Variants in ARHGAP15 observed in about 807,000 individuals in gnomAD.
ARHGAP15 encodes rho GTPase-activating protein 15.
Under a neutral mutation model 63.7 loss-of-function variants are expected in ARHGAP15, and 51 were observed. The observed-to-expected ratio is 0.80, with a 90% CI of 0.64 to 1.01. The LOEUF (loss-of-function observed/expected upper bound fraction) is 1.01. ARHGAP15 is among the 50% of genes least tolerant of loss of function. ARHGAP15 has a pLI of 0.00. For missense variants in ARHGAP15, 560 were observed against 564.6 expected, an observed-to-expected ratio of 0.99 and a Z score of 0.08; for synonymous variants, 191 against 193.8, an observed-to-expected ratio of 0.99 and a Z score of 0.12.
At chr2:143,408,042 TCTCA>T (rs1311336539) in intron 6 of ARHGAP15, among the ~76,000 whole-genome samples, 1 of 140,026 alleles carries the variant, frequency 7.1e-6, no homozygotes, top group Non-Finnish European at 1.6e-5. Flanking sequence ...TCCTTTTTCC[TCTCA>T]CTCTTTTCTG....
At chr2:143,754,892 C>A (rs1686514998) in intron 13 of ARHGAP15, among the ~76,000 whole-genome samples, 2 of 152,190 alleles carry the variant, frequency 1.3e-5, no homozygotes, top group South Asian at 4.1e-4. Flanking sequence ...AAACACAGTC[C>A]TTTGCAACTC....
intron 12 of ARHGAP15, among the ~76,000 whole-genome samples, chr2:143,639,920 C>T (rs372971399): frequency 2.0e-5 from 3 of 152,024 alleles, no homozygotes; most frequent in Non-Finnish European, 2.9e-5. Context: ...CAGAATAAGA[C>T]CACAGATCTT....
chr2:143,394,971 G>A (rs752324227), intron 6 of ARHGAP15, among the ~76,000 whole-genome samples: 1 of 152,110 alleles, frequency 6.6e-6, no homozygotes, highest in Non-Finnish European at 1.5e-5. Context: ...AGGATACAGT[G>A]AAGAAGGCAA....
intron 11 of ARHGAP15, among the ~76,000 whole-genome samples, chr2:143,583,235 T>C (rs1267992278): frequency 1.3e-5 from 2 of 152,220 alleles, no homozygotes; most frequent in Non-Finnish European, 2.9e-5. Context: ...ATGAGTATCA[T>C]GCTACCAACA....
At chr2:143,275,132 C>T (rs951745288) in intron 6 of ARHGAP15, among the ~76,000 whole-genome samples, 7 of 151,972 alleles carry the variant, frequency 4.6e-5, no homozygotes, top group Admixed American at 6.6e-5. Context: ...CACTCCAGCC[C>T]GGACAACAGA....
chr2:143,344,896 G>A (rs1048325618), intron 6 of ARHGAP15, among the ~76,000 whole-genome samples: 6 of 152,082 alleles, frequency 3.9e-5, no homozygotes, highest in Admixed American at 2.0e-4. Context: ...TATAACTAAT[G>A]AGGAAGGCTG....
intron 12 of ARHGAP15, among the ~76,000 whole-genome samples, chr2:143,660,967 G>A (rs72859635): frequency 6.6e-6 from 1 of 152,192 alleles, no homozygotes; most frequent in Non-Finnish European, 1.5e-5. Context: ...AGTGTTCTTA[G>A]AACTGTGTTT....
chr2:143,149,459 C>T (rs758562423), intron 1 of ARHGAP15, among the ~76,000 whole-genome samples: 2 of 151,930 alleles, frequency 1.3e-5, no homozygotes, highest in South Asian at 2.1e-4. Flanking sequence ...AAGTACCTAT[C>T]CAAATCTGAA....
intron 13 of ARHGAP15, among the ~76,000 whole-genome samples, chr2:143,761,827 C>G (rs915019060): frequency 4.6e-5 from 7 of 152,082 alleles, no homozygotes; most frequent in African/African-American, 1.7e-4. Context: ...TTGGGCCTGA[C>G]AAAAGGTAGC....
intron 6 of ARHGAP15, among the ~76,000 whole-genome samples, chr2:143,301,701 T>C (rs1315254967): frequency 1.3e-5 from 2 of 151,950 alleles, no homozygotes; most frequent in Non-Finnish European, 2.9e-5. Flanking sequence ...ACAAAATTTG[T>C]ATATAACACA....
intron 13 of ARHGAP15, among the ~76,000 whole-genome samples, chr2:143,760,129 A>C (rs1259636773): frequency 6.6e-6 from 1 of 152,194 alleles, no homozygotes; most frequent in Admixed American, 6.5e-5. Flanking sequence ...AGTGTCAAAC[A>C]CATAGTAAGT....
chr2:143,394,740 T>C (rs1687685863), intron 6 of ARHGAP15, among the ~76,000 whole-genome samples: 1 of 152,192 alleles, frequency 6.6e-6, no homozygotes, highest in Non-Finnish European at 1.5e-5. Context: ...CACTTCAATG[T>C]CAGTTGTATT....
rs796712788 is a variant in ARHGAP15, at chr2:143,318,175, AT to A, written c.474+67587del. Among the ~76,000 whole-genome samples the A allele has an allele frequency of 2.6e-3, 363 of 142,338 alleles. 3 individuals are homozygous for A. The highest frequency in any genetic ancestry group is 2.9e-3 in the Non-Finnish European group (185 of 64,350). The allele number at this position is 142,338 out of a possible 152,430, so 93.4% of individuals were successfully genotyped here. ...CACCACACCTGGCTAATATTTTTGT[AT>A]TTTTTTTTTTTAGTAGAGACAGGGT... On this transcript the variant is annotated intron_variant, in intron 6 of 13. Transcript: ENST00000295095.
intron 11 of ARHGAP15, among the ~76,000 whole-genome samples, chr2:143,576,017 A>T: frequency 6.6e-6 from 1 of 152,274 alleles, no homozygotes; most frequent in Admixed American, 6.6e-5. Flanking sequence ...TTTATAAATA[A>T]TCTAAACCGG....
intron 6 of ARHGAP15, among the ~76,000 whole-genome samples, chr2:143,323,916 A>C (rs1445096252): frequency 2.7e-5 from 4 of 148,120 alleles, no homozygotes; most frequent in Admixed American, 7.0e-5. Flanking sequence ...AAAAAAAAAA[A>C]AAAAAAACAC....
chr2:143,393,294 A>G (rs1456692845), intron 6 of ARHGAP15, among the ~76,000 whole-genome samples: 9 of 152,198 alleles, frequency 5.9e-5, no homozygotes, highest in Non-Finnish European at 8.8e-5. Context: ...GCTAGGTCTT[A>G]TATCACCAAT....
At chr2:143,400,344 A>G (rs1480982783) in intron 6 of ARHGAP15, among the ~76,000 whole-genome samples, 1 of 152,026 alleles carries the variant, frequency 6.6e-6, no homozygotes, top group Non-Finnish European at 1.5e-5. Context: ...TTGCACTTCA[A>G]ACTACTTTAT....
At chr2:143,475,111 T>A (rs1179003252) in intron 8 of ARHGAP15, among the ~76,000 whole-genome samples, 1 of 152,168 alleles carries the variant, frequency 6.6e-6, no homozygotes, top group Non-Finnish European at 1.5e-5. Flanking sequence ...ATGATGTGGA[T>A]CTTTGTGGGG....
intron 12 of ARHGAP15, among the ~76,000 whole-genome samples, chr2:143,685,321 A>T (rs1193231418): frequency 6.6e-6 from 1 of 152,224 alleles, no homozygotes; most frequent in East Asian, 1.9e-4. Flanking sequence ...GTCCAAGTTC[A>T]AAACACAGTC....
Sources: allele counts gnomAD v4.1 joint callset (sites outside exome capture counted in the v4.1 genomes callset), GRCh38; gene constraint gnomAD v4.1.1; transcripts MANE v1.5; gene names NCBI Gene and HGNC (gene_info 2026-07-23, HGNC 2026-07-21).